The following RFTN1 variants were observed in gnomAD, a reference collection of about 807,000 sequenced individuals.
RFTN1 encodes the protein raftlin.
A neutral mutation model predicts 46.5 loss-of-function variants in RFTN1; 26 were observed. The observed-to-expected ratio is 0.56, with a 90% confidence interval of 0.41 to 0.78. The LOEUF (loss-of-function observed/expected upper bound fraction) is 0.78, where lower values mean the gene tolerates loss of function less well. Among genes scored for constraint, RFTN1 ranks in the 30% least tolerant of loss-of-function variants. RFTN1 has a pLI of 0.00. For synonymous variants in RFTN1, 261 were observed against 284.2 expected (o/e 0.92, Z 0.82); for missense variants, 693 against 718.7 (o/e 0.96, Z 0.41).
chr3:16,399,195 T>TA (rs2074544496), intron 4 of RFTN1, among the ~76,000 whole-genome samples: 1 of 151,850 alleles, frequency 6.6e-6, no homozygotes, highest in African/African-American at 2.4e-5. Flanking sequence ...AATTGCTCAA[T>TA]AAAAAATTAT....
rs899060770 is a variant in RFTN1, at chr3:16,348,088, AC to A, written c.1146+9843del. 78 of 152,078 alleles carry A rather than the reference AC, an allele frequency of 5.1e-4. No individual in the cohort carries two copies. Among genetic ancestry groups the A allele is most frequent in the Admixed American group, 1.8e-3 (28 of 15,270 alleles). The allele number at this position is 152,078 out of a possible 1,614,324, so 9.4% of individuals were successfully genotyped here. A position where few individuals can be genotyped will look rare whatever the true frequency, so the allele number is the denominator to read the frequency against. Reference sequence around the variant, plus strand: ...AGGCCAGGGAGCAGGGCTTTCATACACCCACACTCCTCTGTCATCGACGAGG... The same window carrying A: ...AGGCCAGGGAGCAGGGCTTTCATACACCACACTCCTCTGTCATCGACGAGG... On this transcript the variant is annotated intron_variant, in intron 7 of 9. Transcript: ENST00000334133. The surrounding 1 kb of genome is among the most constrained non-coding windows in gnomAD (Gnocchi z 6.3).
Position 16,452,059 on chromosome 3 carries a change from G to A in RFTN1, c.146-18022C>T, listed in dbSNP as rs1185171921. On this transcript the variant is annotated intron_variant, in intron 2 of 9. Coordinates refer to ENST00000334133, the MANE Select transcript of RFTN1 (RefSeq NM_015150.2). This position sits in a 1 kb window ranked among gnomAD's most constrained non-coding sequence, Gnocchi z 6.3. ...TGATCCACGTCCTGGGCGGAATAGA[G>A]CAGGATGGCACGAGATTTCACCATG... Among the ~76,000 whole-genome samples the A allele has an allele frequency of 6.6e-6, 1 of 152,192 alleles. No homozygotes were observed. Among genetic ancestry groups the A allele is most frequent in the African/African-American group, 2.4e-5 (1 of 41,440 alleles).
Position 16,459,066 on chromosome 3 carries a change from C to T in RFTN1, c.146-25029G>A, listed in dbSNP as rs1423176382. Among the ~76,000 whole-genome samples the T allele has an allele frequency of 6.6e-6, 1 of 152,158 alleles. No homozygotes were observed. The highest frequency in any genetic ancestry group is 1.5e-5 in the Non-Finnish European group (1 of 68,034). Reference sequence around the variant, plus strand: ...TCTCCCACCTCAGCCTCCCGAGTAGCTGGGACCACAGGTGTGCACCATGCC... The same window carrying T: ...TCTCCCACCTCAGCCTCCCGAGTAGTTGGGACCACAGGTGTGCACCATGCC... On this transcript the variant is annotated intron_variant, in intron 2 of 9. Transcript: ENST00000334133. The surrounding 1 kb of genome is among the most constrained non-coding windows in gnomAD (Gnocchi z 4.2).
At chr3:16,432,381 G>A (rs1409162838) in intron 3 of RFTN1, among the ~76,000 whole-genome samples, 1 of 152,174 alleles carries the variant, frequency 6.6e-6, no homozygotes, top group Non-Finnish European at 1.5e-5. Flanking sequence ...AGCCAGGCAT[G>A]GTGGCGTGCA....
At position 16,345,788 on chromosome 3, in the gene RFTN1, C is replaced by CTGTGTGTGTG. The variant is rs370820242; in HGVS notation, c.1146+12134_1146+12143dup. Among the ~76,000 whole-genome samples, 1,666 of 127,188 alleles carry CTGTGTGTGTG rather than the reference C, an allele frequency of 0.013. 20 individuals carry two copies. Among genetic ancestry groups the CTGTGTGTGTG allele is most frequent in the South Asian group, 0.016 (59 of 3,588 alleles). 83.4% of individuals were successfully genotyped at this position (127,188 alleles called of 152,430 possible). ...TGAGCCAAAACCTTATAATAAATCT[C>CTGTGTGTGTG]TGTGTGTGTGTGTGTGTGTGTGTGT... On this transcript the variant is annotated intron_variant, in intron 7 of 9. Transcript: ENST00000334133. The surrounding 1 kb of genome is among the most constrained non-coding windows in gnomAD (Gnocchi z 5.2).
In RFTN1 at chr3:16,468,905, CA is replaced by C. The variant is rs761428675; in HGVS notation, c.145+24819del. ...CCTTCCTGTGGCTGGCCCATTAGGG[CA>C]GGCATGCAGCCATTTCTTCACTGCC... On this transcript the variant is annotated intron_variant, in intron 2 of 9. Transcript: ENST00000334133. The surrounding 1 kb of genome is among the most constrained non-coding windows in gnomAD (Gnocchi z 4.4). 3.4e-4 allele frequency among the ~76,000 whole-genome samples: 52 copies of C among 152,362 alleles called. No individual in the cohort carries two copies. Among genetic ancestry groups the C allele is most frequent in the Non-Finnish European group, 6.2e-4 (42 of 68,030 alleles).
Position 16,428,966 on chromosome 3 carries a change from T to G in RFTN1, c.332+4885A>C, listed in dbSNP as rs1290291266. ...GAGTGAGTGCAACTATATTGTCTAT[T>G]AAAAATCACTAAGTGTTCCAAAGAA... On this transcript the variant is annotated intron_variant, in intron 3 of 9. Transcript: ENST00000334133. The surrounding 1 kb of genome is among the most constrained non-coding windows in gnomAD (Gnocchi z 4.7). Among the ~76,000 whole-genome samples the G allele has an allele frequency of 6.6e-6, 1 of 152,240 alleles. No homozygotes were observed. Among genetic ancestry groups the G allele is most frequent in the African/African-American group, 2.4e-5 (1 of 41,470 alleles).
At position 16,421,327 on chromosome 3, in the gene RFTN1, G is replaced by C. The variant is rs914072012; in HGVS notation, c.333-11844C>G. Among the ~76,000 whole-genome samples the C allele has an allele frequency of 1.3e-5, 2 of 151,190 alleles. No homozygotes were observed. Among genetic ancestry groups the C allele is most frequent in the African/African-American group, 4.8e-5 (2 of 41,242 alleles). On this transcript the variant is annotated intron_variant, in intron 3 of 9. Coordinates refer to ENST00000334133, the MANE Select transcript of RFTN1 (RefSeq NM_015150.2). The surrounding 1 kb of genome is among the most constrained non-coding windows in gnomAD (Gnocchi z 4.6). ...CAAATTTCTAAATCAGATCTGAACA[G>C]GTAGGCATTGGTATTGGTGTTTTTT...
intron 4 of RFTN1, 136 bp downstream of exon 4, chr3:16,409,239 G>T: frequency 1.7e-6 from 1 of 586,614 alleles, no homozygotes; most frequent in South Asian, 2.1e-5. Context: ...TTCCCTGTGG[G>T]GCTGCCAAAG....
Position 16,442,421 on chromosome 3 carries a change from CA to C in RFTN1, c.146-8385del, listed in dbSNP as rs368727945. The stretch of plus-strand genomic sequence containing the variant: ...CCTAGCAATCAATAACATGCTTTCA[CA>C]AAAAAAAACTATTCTTTTTTTAAAT... On this transcript the variant is annotated intron_variant, in intron 2 of 9. Transcript: ENST00000334133. The surrounding 1 kb of genome is among the most constrained non-coding windows in gnomAD (Gnocchi z 4.1). Among the ~76,000 whole-genome samples the C allele has an allele frequency of 3.9e-4, 59 of 150,756 alleles. No homozygotes were observed. Among genetic ancestry groups the C allele is most frequent in the African/African-American group, 8.3e-4 (34 of 41,110 alleles).
chr3:16,357,666 A>G (rs537646322), intron 7 of RFTN1, among the ~76,000 whole-genome samples: 1 of 152,298 alleles, frequency 6.6e-6, no homozygotes, highest in African/African-American at 2.4e-5. Flanking sequence ...TATGCAAATT[A>G]ATGGAAGACA....
chr3:16,508,641 A>G (rs1575391057), intron 1 of RFTN1, among the ~76,000 whole-genome samples: 1 of 152,252 alleles, frequency 6.6e-6, no homozygotes, highest in East Asian at 1.9e-4. Context: ...GAGAAAAGGG[A>G]GATTCAAACG....
intron 4 of RFTN1, among the ~76,000 whole-genome samples, chr3:16,379,430 T>C (rs2073904413): frequency 6.6e-6 from 1 of 152,218 alleles, no homozygotes; most frequent in Admixed American, 6.5e-5. Flanking sequence ...TTACATAAAT[T>C]AAAACAACAA....
chr3:16,414,360 A>T (rs1052641886), intron 3 of RFTN1, among the ~76,000 whole-genome samples: 1 of 151,916 alleles, frequency 6.6e-6, no homozygotes, highest in Non-Finnish European at 1.5e-5. Context: ...TAATCCTAGC[A>T]CTTCGGGAGG....
intron 1 of RFTN1, among the ~76,000 whole-genome samples, chr3:16,496,463 A>C (rs984671746): frequency 6.6e-6 from 1 of 152,252 alleles, no homozygotes; most frequent in Non-Finnish European, 1.5e-5. Context: ...GCAAATGGCC[A>C]AGGAACATAA....
At chr3:16,328,976 A>G (rs2070012626) in intron 7 of RFTN1, among the ~76,000 whole-genome samples, 1 of 152,252 alleles carries the variant, frequency 6.6e-6, no homozygotes, top group Non-Finnish European at 1.5e-5. Context: ...GAAAGTGCTA[A>G]GGTTTGAATG....
rs1411920505 is a variant in RFTN1 at position 16,509,267 on chromosome 3, T to C, written c.-9+4175A>G. On this transcript the variant is annotated intron_variant, in intron 1 of 9. Transcript: ENST00000334133. This position sits in a 1 kb window ranked among gnomAD's most constrained non-coding sequence, Gnocchi z 4.9. ...ATTTCCTGTAACGCTGTTCTGATTATCTAATTTACATTTCTATTATAATAT... is the reference window on the plus strand; with the variant it reads ...ATTTCCTGTAACGCTGTTCTGATTACCTAATTTACATTTCTATTATAATAT... 6.6e-6 allele frequency among the ~76,000 whole-genome samples: 1 copy of C among 152,236 alleles called. No individual in the cohort carries two copies. The highest frequency in any genetic ancestry group is 1.5e-5 in the Non-Finnish European group (1 of 68,046).
At chr3:16,477,894 A>G (rs1368260316) in intron 2 of RFTN1, among the ~76,000 whole-genome samples, 1 of 152,272 alleles carries the variant, frequency 6.6e-6, no homozygotes, top group Non-Finnish European at 1.5e-5. Flanking sequence ...ATTTAATCTG[A>G]GAAGTGATGA....
intron 9 of RFTN1, among the ~76,000 whole-genome samples, chr3:16,319,541 C>T (rs2068806943): frequency 6.6e-6 from 1 of 152,194 alleles, no homozygotes; most frequent in Non-Finnish European, 1.5e-5. Context: ...CAGTGTACAA[C>T]TGAGGACAAT....
Sources: gnomAD v4.1 joint callset for allele counts (sites outside exome capture counted in the v4.1 genomes callset) on GRCh38, gnomAD v4.1.1 for gene constraint, Gnocchi (gnomAD v3.1) non-coding constraint, MANE v1.5 for transcripts, NCBI Gene and HGNC (gene_info 2026-07-23, HGNC 2026-07-21) for gene names.